Variants in DCC observed in about 807,000 individuals in gnomAD.
DCC encodes the protein DCC netrin 1 receptor, also known as netrin receptor DCC.
DCC carries 58 observed loss-of-function variants against 172.5 expected under a neutral mutation model. The observed-to-expected ratio is 0.34, with a 90% CI of 0.27 to 0.42. The LOEUF is 0.42. Among genes scored for constraint, DCC ranks in the 10% least tolerant of loss-of-function variants. The probability of loss-of-function intolerance (pLI) is 1.00; values close to 1 mark genes in which losing one functional copy is unlikely to be tolerated. For missense variants in DCC, 1,740 were observed against 1,791.0 expected (o/e 0.97, Z 0.51); for synonymous variants, 709 against 644.5 (o/e 1.10, Z -1.52).
At chr18:53,300,830 T>A (rs1024468626) in intron 12 of DCC, among the ~76,000 whole-genome samples, 2 of 152,032 alleles carry the variant, frequency 1.3e-5, no homozygotes, top group African/African-American at 4.8e-5. Flanking sequence ...ACCAGCTAAT[T>A]TGTGGTAGAT....
At chr18:52,766,312 CTT>C (rs1568089620) in intron 2 of DCC, among the ~76,000 whole-genome samples, 1 of 152,164 alleles carries the variant, frequency 6.6e-6, no homozygotes, top group Non-Finnish European at 1.5e-5. Context: ...TGTTACAGTG[CTT>C]TCAGCTCTGC....
At chr18:52,524,603 A>G (rs1022475206) in intron 1 of DCC, among the ~76,000 whole-genome samples, 5 of 152,188 alleles carry the variant, frequency 3.3e-5, no homozygotes, top group African/African-American at 1.2e-4. Flanking sequence ...TGACAATTAT[A>G]TTTCAATATT....
chr18:53,401,901 C>A (rs1909321320), intron 18 of DCC, among the ~76,000 whole-genome samples: 1 of 152,110 alleles, frequency 6.6e-6, no homozygotes, highest in African/African-American at 2.4e-5. Flanking sequence ...GTTTTGAGTA[C>A]AACATGTGGG....
In DCC at chr18:52,906,196, G is replaced by C. The variant is rs776237905; in HGVS notation, c.565G>C (p.Val189Leu). 2 of 1,613,990 alleles carry C rather than the reference G, an allele frequency of 1.2e-6. No homozygotes were observed. The highest frequency in any genetic ancestry group is 3.3e-5 in the Admixed American group (2 of 60,002). The change falls in exon 3 of 29, where the codon GTG becomes CTG. Residue 189 changes from valine to leucine, a missense_variant. Physicochemically the swap from Val to Leu is conservative, Grantham distance 32. Transcript: ENST00000442544. ...DLTPIPGDSR[V>L]VVLPSGALQI... ...GACTCCAATCCCAGGTGACTCCCGA[G>C]TGGTGGTCTTGCCCTCTGGAGCATT...
chr18:53,026,841 G>A (rs2041961055), intron 5 of DCC, among the ~76,000 whole-genome samples: 1 of 152,066 alleles, frequency 6.6e-6, no homozygotes. Flanking sequence ...GGGATTACAA[G>A]CATAGCCACT....
At chr18:53,094,452 G>A (rs1367918329) in intron 7 of DCC, among the ~76,000 whole-genome samples, 2 of 152,172 alleles carry the variant, frequency 1.3e-5, no homozygotes, top group Admixed American at 6.5e-5. Flanking sequence ...CTATCTGAAA[G>A]ATTCATCAGC....
intron 2 of DCC, among the ~76,000 whole-genome samples, chr18:52,861,240 G>T (rs1178619892): frequency 6.6e-6 from 1 of 152,148 alleles, no homozygotes; most frequent in Non-Finnish European, 1.5e-5. Flanking sequence ...GCAAGGTCAG[G>T]AACCTTGTAC....
intron 1 of DCC, among the ~76,000 whole-genome samples, chr18:52,725,266 G>A (rs946084247): frequency 9.9e-5 from 15 of 152,256 alleles, no homozygotes; most frequent in East Asian, 9.7e-4. Context: ...TGCTGAGAGC[G>A]CCAGTGATCA....
chr18:52,683,131 T>A (rs1355431305), intron 1 of DCC, among the ~76,000 whole-genome samples: 3 of 151,514 alleles, frequency 2.0e-5, no homozygotes, highest in Non-Finnish European at 4.4e-5. Context: ...TTGAAAAAAA[T>A]TCTGAACTAG....
At chr18:53,487,264 T>C (rs1028982132) in intron 26 of DCC, among the ~76,000 whole-genome samples, 1 of 152,212 alleles carries the variant, frequency 6.6e-6, no homozygotes, top group Non-Finnish European at 1.5e-5. Flanking sequence ...TCCTATTAAA[T>C]AGGAAATTAA....
chr18:52,536,607 A>G (rs556825686), intron 1 of DCC, among the ~76,000 whole-genome samples: 14 of 152,168 alleles, frequency 9.2e-5, no homozygotes, highest in East Asian at 1.9e-4. Context: ...AGGGCTCTCA[A>G]TCTTCAAGAA....
chr18:53,446,124 A>AAAAAAAAACC (rs369426007), intron 22 of DCC, among the ~76,000 whole-genome samples: 1 of 117,174 alleles, frequency 8.5e-6, no homozygotes, highest in African/African-American at 2.8e-5. Context: ...ACAAAAAAAA[A>AAAAAAAAACC]CACTTAAAAA....
chr18:52,415,884 CT>C (rs2144415576), intron 1 of DCC, among the ~76,000 whole-genome samples: 1 of 152,280 alleles, frequency 6.6e-6, no homozygotes, highest in African/African-American at 2.4e-5. Flanking sequence ...CAGTTCTACT[CT>C]GATTTTAGTT....
intron 7 of DCC, among the ~76,000 whole-genome samples, chr18:53,086,552 TCTTC>T (rs1308109213): frequency 1.9e-5 from 1 of 53,640 alleles, no homozygotes; most frequent in Non-Finnish European, 3.5e-5. Context: ...TCTTTCTTCT[TCTTC>T]CTTCTTCTTC....
intron 27 of DCC, among the ~76,000 whole-genome samples, chr18:53,508,498 T>A (rs962501701): frequency 6.6e-6 from 1 of 152,234 alleles, no homozygotes; most frequent in Admixed American, 6.5e-5. Context: ...TGGCTAAGAC[T>A]GCATTTTTTT....
At chr18:52,418,371 G>C (rs1024941756) in intron 1 of DCC, among the ~76,000 whole-genome samples, 31 of 152,206 alleles carry the variant, frequency 2.0e-4, no homozygotes, top group African/African-American at 7.0e-4. Context: ...GCCTCTGTAG[G>C]CAGACAAGGT....
At chr18:52,590,451 T>C (rs191298573) in intron 1 of DCC, among the ~76,000 whole-genome samples, 1 of 152,328 alleles carries the variant, frequency 6.6e-6, no homozygotes, top group Non-Finnish European at 1.5e-5. Flanking sequence ...CTCAAGAAGT[T>C]GTCAGTCTAC....
At position 52,644,049 on chromosome 18, in the gene DCC, A is replaced by G. The variant is rs113668983; in HGVS notation, c.92-108005A>G. 2.9e-3 allele frequency among the ~76,000 whole-genome samples: 449 copies of G among 152,268 alleles called. 2 individuals are homozygous for G. The highest frequency in any genetic ancestry group is 0.01 in the African/African-American group (428 of 41,562). On this transcript the variant is annotated intron_variant, in intron 1 of 28. Transcript: ENST00000442544. Reference sequence around the variant, plus strand: ...TGGAAGGAGTCCATATGAAATCCATATAAGGAATTAAGTCATAATGACATA... The same window carrying G: ...TGGAAGGAGTCCATATGAAATCCATGTAAGGAATTAAGTCATAATGACATA...
intron 1 of DCC, among the ~76,000 whole-genome samples, chr18:52,563,439 G>GA (rs2033085188): frequency 1.3e-5 from 2 of 152,030 alleles, no homozygotes; most frequent in Admixed American, 6.6e-5. Flanking sequence ...CTGAAGGAGG[G>GA]ATGTGTCTAA....
Sources: allele counts gnomAD v4.1 joint callset (sites outside exome capture counted in the v4.1 genomes callset), GRCh38; gene constraint gnomAD v4.1.1; transcripts MANE v1.5; gene names NCBI Gene and HGNC (gene_info 2026-07-23, HGNC 2026-07-21).